EXOC5: variants seen among roughly 807,000 people sequenced by gnomAD.
EXOC5 encodes the protein SEC10-like 1.
In EXOC5, 17 loss-of-function variants were observed where a neutral mutation model predicts 90.8. That is an observed-to-expected ratio of 0.19 (90% CI 0.13 to 0.28). The LOEUF is 0.28. Among genes scored for constraint, EXOC5 ranks in the 10% least tolerant of loss-of-function variants. EXOC5 has a pLI of 1.00. For missense variants in EXOC5, 569 were observed against 830.6 expected (o/e 0.69, Z 3.87); for synonymous variants, 260 against 270.0 (o/e 0.96, Z 0.36).
At chr14:57,222,200 A>C in intron 13 of EXOC5, 108 bp downstream of exon 13, 1 of 566,742 alleles carries the variant, frequency 1.8e-6, no homozygotes, top group South Asian at 2.9e-5. Context: ...ATTGCACCGA[A>C]CTGAATTTGA....
intron 1 of EXOC5, among the ~76,000 whole-genome samples, chr14:57,264,049 C>G (rs1884597332): frequency 6.6e-6 from 1 of 152,184 alleles, no homozygotes; most frequent in South Asian, 2.1e-4. Flanking sequence ...AATGTATTAA[C>G]ATGTCTGTCT....
intron 5 of EXOC5, among the ~76,000 whole-genome samples, chr14:57,238,439 T>C (rs1883749814): frequency 6.7e-6 from 1 of 150,158 alleles, no homozygotes; most frequent in Non-Finnish European, 1.5e-5. Flanking sequence ...TATGTATATA[T>C]GCATGTGTGT....
At chr14:57,252,745 A>G (rs1168713792) in intron 1 of EXOC5, among the ~76,000 whole-genome samples, 1 of 152,214 alleles carries the variant, frequency 6.6e-6, no homozygotes, top group Non-Finnish European at 1.5e-5. Flanking sequence ...AAAAAATTAA[A>G]AACAGAAATA....
intron 12 of EXOC5, among the ~76,000 whole-genome samples, chr14:57,223,943 AATAAC>A (rs1229872358): frequency 1.3e-5 from 2 of 152,220 alleles, no homozygotes; most frequent in Non-Finnish European, 2.9e-5. Context: ...TTGGAAACTA[AATAAC>A]ATATTTCTAA....
In EXOC5 at chr14:57,246,743, T is replaced by C. The variant is rs1884044428; in HGVS notation, c.238A>G (p.Lys80Glu). Residue 80 changes from lysine (K) to glutamate (E), a missense_variant, in exon 3 of 18, where the codon AAG (lysine) becomes GAG (glutamate). Physicochemically the swap from Lys to Glu is moderately conservative, Grantham distance 56 (BLOSUM62 1). This residue lies in a region of EXOC5 where 45 missense variants were observed against 44.6 expected (regional missense o/e 1.01). Transcript: ENST00000621441. ...QCQKEAKEFA[K>E]KVQELQKSNQ... The stretch of plus-strand genomic sequence containing the variant: ...CTTTTCTGCAGCTCTTGTACCTTCT[T>C]GGCAAATTCCTTGGCTTCTTTCTGA... The C allele has an allele frequency of 6.2e-7, 1 of 1,611,310 alleles. No individual in the cohort carries two copies. The highest frequency in any genetic ancestry group is 8.5e-7 in the Non-Finnish European group (1 of 1,179,510).
chr14:57,221,707 A>T (rs896559785), intron 13 of EXOC5, among the ~76,000 whole-genome samples: 1 of 152,190 alleles, frequency 6.6e-6, no homozygotes, highest in African/African-American at 2.4e-5. Flanking sequence ...TACAATAATC[A>T]CGCATATTGG....
chr14:57,246,090 C>G (rs966326496), intron 3 of EXOC5, among the ~76,000 whole-genome samples: 4 of 151,854 alleles, frequency 2.6e-5, no homozygotes, highest in Non-Finnish European at 5.9e-5. Flanking sequence ...TAAGGCCCAG[C>G]CTGTGAATGG....
chr14:57,244,314 C>T lies in EXOC5; in HGVS notation c.316G>A (p.Val106Ile). ...CCAAGGTGACAGACTTTAGTTGCTA[C>T]ATAGCTAATGTGCTCATCTAGTTCT... ...FQELDEHISYVATKVCHLGDQ... is the reference protein window; with the variant it reads ...FQELDEHISYIATKVCHLGDQ... The change falls in exon 4 of 18, where the codon GTA (valine) becomes ATA (isoleucine). Residue 106 changes from valine (V) to isoleucine (I), a missense_variant. Transcript: ENST00000621441. The T allele has an allele frequency of 1.9e-6, 3 of 1,613,930 alleles. No homozygotes were observed. Among genetic ancestry groups the T allele is most frequent in the Non-Finnish European group, 2.5e-6 (3 of 1,179,838 alleles).
intron 12 of EXOC5, among the ~76,000 whole-genome samples, chr14:57,228,805 T>C (rs561699534): frequency 4.5e-4 from 66 of 146,766 alleles, no homozygotes; most frequent in African/African-American, 1.6e-3. Context: ...TGTATACCTA[T>C]GTAACAAACC....
rs1882613690 is a variant in EXOC5 at position 57,205,187 on chromosome 14, T to C, written c.*3422A>G. The stretch of plus-strand genomic sequence containing the variant: ...AAATCAATACATGTAACTATAATTA[T>C]CTTTATTATGCAGCAAAATTTTTTA... On this transcript the variant is annotated 3_prime_UTR_variant, in exon 18 of 18. Coordinates refer to ENST00000621441, the MANE Select transcript of EXOC5 (RefSeq NM_006544.4). 2.0e-5 allele frequency: 3 copies of C among 152,048 alleles called. No homozygotes were observed. The South Asian group carries it at 6.2e-4, about 31-fold the overall frequency. The allele number at this position is 152,048 out of a possible 1,614,324, so 9.4% of individuals were successfully genotyped here.
intron 1 of EXOC5, among the ~76,000 whole-genome samples, chr14:57,266,012 T>A (rs571607998): frequency 9.8e-5 from 15 of 152,372 alleles, no homozygotes; most frequent in Admixed American, 3.9e-4. Flanking sequence ...ATGAAGTTGT[T>A]TTCATTGAGA....
chr14:57,242,072 G>A (rs941294135), intron 4 of EXOC5, among the ~76,000 whole-genome samples: 2 of 150,020 alleles, frequency 1.3e-5, no homozygotes, highest in Admixed American at 1.3e-4. Context: ...GGCGGAGGTT[G>A]CAGTGAGCCG....
chr14:57,233,593 A>C (rs1193615744), intron 9 of EXOC5, 150 bp downstream of exon 9: 1 of 557,726 alleles, frequency 1.8e-6, no homozygotes, highest in Non-Finnish European at 3.2e-6. Flanking sequence ...ACATTTTTTA[A>C]AAAGCATGAG....
At position 57,251,791 on chromosome 14, in the gene EXOC5, C is replaced by A. The variant is rs554072598; in HGVS notation, c.28-4079G>T. 5.3e-5 allele frequency among the ~76,000 whole-genome samples: 8 copies of A among 151,748 alleles called. No homozygotes were observed. In the South Asian group the frequency reaches 1.7e-3, roughly 32 times the overall value. ...GAAGTTGGTTTTCCGAAAAGATCAA[C>A]AAAATTGAAAAGCCTTTAGCTAAAC... On this transcript the variant is annotated intron_variant, in intron 1 of 17. Coordinates refer to ENST00000621441, the MANE Select transcript of EXOC5 (RefSeq NM_006544.4).
chr14:57,255,152 A>G (rs906492343), intron 1 of EXOC5, among the ~76,000 whole-genome samples: 3 of 152,126 alleles, frequency 2.0e-5, no homozygotes, highest in Non-Finnish European at 4.4e-5. Flanking sequence ...CATGGCCCCA[A>G]CTGCAAGGGG....
intron 4 of EXOC5, chr14:57,243,532 G>T (rs1210567142): frequency 6.6e-6 from 1 of 152,070 alleles, no homozygotes; most frequent in Non-Finnish European, 1.5e-5. Context: ...TGCACATTTT[G>T]ATTTTTTTTC....
At chr14:57,241,328 C>G (rs766570564) in intron 4 of EXOC5, among the ~76,000 whole-genome samples, 3 of 152,196 alleles carry the variant, frequency 2.0e-5, no homozygotes, top group Non-Finnish European at 4.4e-5. Flanking sequence ...CAAACACTCA[C>G]TCTGTCCTGT....
At position 57,206,210 on chromosome 14, in the gene EXOC5, T is replaced by C. The variant is rs1041053033; in HGVS notation, c.*2399A>G. ...AAATGTTGGTTAAAGTTACCAATTA[T>C]ACAAAGCTCCACTCTCTACCTAAAA... On this transcript the variant is annotated 3_prime_UTR_variant, in exon 18 of 18. Transcript: ENST00000621441. 4.5e-5 allele frequency: 13 copies of C among 291,594 alleles called. No individual in the cohort carries two copies. The highest frequency in any genetic ancestry group is 6.7e-6 in the Non-Finnish European group (1 of 149,810). The allele number at this position is 291,594 out of a possible 1,614,324, so 18.1% of individuals were successfully genotyped here. A position where few individuals can be genotyped will look rare whatever the true frequency, so the allele number is the denominator to read the frequency against.
At chr14:57,220,482 A>G (rs980692920) in intron 13 of EXOC5, among the ~76,000 whole-genome samples, 1 of 152,266 alleles carries the variant, frequency 6.6e-6, no homozygotes, top group East Asian at 1.9e-4. Context: ...GCACACACAA[A>G]CAGTCCAGCA....
Sources: allele counts gnomAD v4.1 joint callset (sites outside exome capture counted in the v4.1 genomes callset), GRCh38; gene constraint gnomAD v4.1.1; regional missense constraint gnomAD v4.1.1; transcripts MANE v1.5; gene names NCBI Gene and HGNC (gene_info 2026-07-23, HGNC 2026-07-21).